TPH1: variants seen among roughly 807,000 people sequenced by gnomAD.
TPH1 encodes tryptophan 5-hydroxylase 1.
Under a neutral mutation model 49.5 loss-of-function variants are expected in TPH1, and 37 were observed. The observed-to-expected ratio is 0.75, with a 90% CI of 0.58 to 0.98. The LOEUF (loss-of-function observed/expected upper bound fraction) is 0.98, where lower values mean the gene tolerates loss of function less well. Ranked by LOEUF, TPH1 falls within the 50% of genes least tolerant of loss-of-function variation. The probability of loss-of-function intolerance (pLI) is 0.00; values close to 1 mark genes in which losing one functional copy is unlikely to be tolerated. For synonymous variants in TPH1, 160 were observed against 182.1 expected (o/e 0.88, Z 0.98); for missense variants, 487 against 523.6 (o/e 0.93, Z 0.68).
At chr11:18,033,810 A>G (rs1848016928) in intron 3 of TPH1, among the ~76,000 whole-genome samples, 1 of 152,184 alleles carries the variant, frequency 6.6e-6, no homozygotes. Flanking sequence ...TGATCTTCTC[A>G]CCATTCCTCA....
Position 18,026,546 on chromosome 11 carries a change from A to T in TPH1, c.747T>A (p.Val249=), listed in dbSNP as rs148739611. ...RDFLSGLAFR[V]FHCTQYVRHS... is the part of the protein sequence containing the mutation. ...GTCTCACATATTGAGTGCAGTGAAAAACTCGAAAGGCTAAACCTGATAAGA... is the reference window on the plus strand; with the variant it reads ...GTCTCACATATTGAGTGCAGTGAAATACTCGAAAGGCTAAACCTGATAAGA... Residue 249 remains valine (V), a synonymous_variant, in exon 7 of 11, where the codon GTT becomes GTA. Transcript: ENST00000682019. The T allele has an allele frequency of 1.9e-6, 3 of 1,613,980 alleles. No individual in the cohort carries two copies. In the African/African-American group the frequency reaches 4.0e-5, roughly 22 times the overall value.
intron 1 of TPH1, among the ~76,000 whole-genome samples, chr11:18,044,760 C>A (rs57411958): frequency 8.3e-5 from 10 of 119,852 alleles, no homozygotes; most frequent in Non-Finnish European, 1.5e-4. Flanking sequence ...GAAAACAAAA[C>A]AAAACAAAAC....
At position 18,036,096 on chromosome 11, in the gene TPH1, CT is replaced by C; in HGVS notation, c.163del (p.Arg55GlufsTer19). ...AAAAATCTCAAATTCTGAGTTTCTT[CT>C]TTTTGATTTTCGGGACTCGATATGT... is the stretch of plus-strand genomic sequence containing the variant. ...LLHIESRKSK[R>X]RNSEFEIFVD... is the part of the protein sequence containing the mutation. On this transcript the variant is annotated frameshift_variant, in exon 3 of 11. Transcript: ENST00000682019. LOFTEE classifies it high-confidence loss of function. The C allele has an allele frequency of 1.2e-6, 2 of 1,613,360 alleles. No individual in the cohort carries two copies. The highest frequency in any genetic ancestry group is 1.7e-6 in the Non-Finnish European group (2 of 1,179,866).
intron 9 of TPH1, 89 bp from the exon 10 acceptor site, chr11:18,023,020 T>C: frequency 1.4e-6 from 2 of 1,394,884 alleles, no homozygotes; most frequent in South Asian, 2.4e-5. Flanking sequence ...TCTAAACATA[T>C]TACTAATGCA....
Position 18,023,962 on chromosome 11 carries a change from A to G in TPH1, c.952T>C (p.Phe318Leu), listed in dbSNP as rs1020818570. ...TGTCCATCTTGTTTACATAGACCAA[A>G]CTCCACAGTGAAAAAGTAGCACTGC... The part of the protein sequence containing the change: ...LATCYFFTVE[F>L]GLCKQDGQLR... The change falls in exon 9 of 11, where the codon TTT (phenylalanine) becomes CTT (leucine). Residue 318 changes from phenylalanine to leucine, a missense_variant. Coordinates refer to ENST00000682019, the MANE Select transcript of TPH1 (RefSeq NM_004179.3). 1.2e-6 allele frequency: 2 copies of G among 1,613,050 alleles called. No individual in the cohort carries two copies. The highest frequency in any genetic ancestry group is 3.3e-5 in the Admixed American group (2 of 59,974).
At chr11:18,035,381 C>CT (rs1349249060) in intron 3 of TPH1, among the ~76,000 whole-genome samples, 1 of 143,070 alleles carries the variant, frequency 7.0e-6, no homozygotes, top group Non-Finnish European at 1.5e-5. Context: ...TTCTTTCTTT[C>CT]TTTTCTTTCT....
intron 8 of TPH1, 105 bp downstream of exon 8, chr11:18,025,470 C>A: frequency 1.3e-6 from 2 of 1,544,926 alleles, no homozygotes; most frequent in Non-Finnish European, 8.9e-7. Context: ...AACCTCCAAG[C>A]AAAGACAAAT....
At chr11:18,045,689 C>T (rs1386960996) in intron 1 of TPH1, among the ~76,000 whole-genome samples, 1 of 152,156 alleles carries the variant, frequency 6.6e-6, no homozygotes, top group East Asian at 1.9e-4. Flanking sequence ...TCAATTGCGA[C>T]CTTGCAAAAA....
At position 18,029,496 on chromosome 11, in the gene TPH1, T is replaced by C. The variant is rs1320582939; in HGVS notation, c.470+16A>G. 6 of 1,594,370 alleles carry C rather than the reference T, an allele frequency of 3.8e-6. No homozygotes were observed. The highest frequency in any genetic ancestry group is 1.1e-5 in the South Asian group (1 of 90,106). On this transcript the variant is annotated intron_variant, in intron 5 of 10. Coordinates refer to ENST00000682019, the MANE Select transcript of TPH1 (RefSeq NM_004179.3). ...TATTATCTCAAAGTTGACTATATTTTTTTAAATATACTTACTGTTTATAGT... is the reference window on the plus strand; with the variant it reads ...TATTATCTCAAAGTTGACTATATTTCTTTAAATATACTTACTGTTTATAGT...
At chr11:18,023,845 T>C (rs1854391901) in intron 9 of TPH1, 43 bp downstream of exon 9, 1 of 1,467,470 alleles carries the variant, frequency 6.8e-7, no homozygotes, top group Non-Finnish European at 9.5e-7. Flanking sequence ...TTATCAATTA[T>C]GTTAGGTGAA....
chr11:18,022,689 G>C, intron 10 of TPH1, 109 bp downstream of exon 10: 1 of 1,169,998 alleles, frequency 8.5e-7, no homozygotes, highest in Non-Finnish European at 1.3e-6. Context: ...CAGACAGAAG[G>C]CTCCTTGTGG....
At position 18,019,771 on chromosome 11, in the gene TPH1, A is replaced by G. The variant is rs765392263; in HGVS notation, c.*1220T>C. ...GAGGAAAGGGGCAAATTAAAGAGAC[A>G]TAAGTTTGTATTTTGGAGTTCAGCT... On this transcript the variant is annotated 3_prime_UTR_variant, in exon 11 of 11. Transcript: ENST00000682019. 16 of 456,694 alleles carry G rather than the reference A, an allele frequency of 3.5e-5. No individual in the cohort carries two copies. Among genetic ancestry groups the G allele is most frequent in the Non-Finnish European group, 4.8e-5 (11 of 227,016 alleles). The allele number at this position is 456,694 out of a possible 1,614,324, so 28.3% of individuals were successfully genotyped here. A position where few individuals can be genotyped will look rare whatever the true frequency, so the allele number is the denominator to read the frequency against.
In TPH1 at chr11:18,033,284, G is replaced by A; in HGVS notation, c.392C>T (p.Ala131Val). 2 of 1,612,228 alleles carry A rather than the reference G, an allele frequency of 1.2e-6. No homozygotes were observed. The highest frequency in any genetic ancestry group is 1.7e-6 in the Non-Finnish European group (2 of 1,178,360). The change falls in exon 4 of 11, where the codon GCA becomes GTA. Residue 131 changes from alanine (A) to valine (V), a missense_variant. Ala to Val is a moderately conservative substitution (Grantham distance 64). Transcript: ENST00000682019. ...RVLMYGSELDADHPGFKDNVY... is the reference protein window; with the variant it reads ...RVLMYGSELDVDHPGFKDNVY... ...AAAGAAAATACTTACAGGATGGTCT[G>A]CATCTAGTTCAGATCCATACATCAG... is the stretch of plus-strand genomic sequence containing the variant.
At chr11:18,022,615 C>A (rs548528321) in intron 10 of TPH1, among the ~76,000 whole-genome samples, 183 bp downstream of exon 10, 12 of 152,158 alleles carry the variant, frequency 7.9e-5, no homozygotes, top group Non-Finnish European at 1.6e-4. Context: ...TTCATATTTG[C>A]AACTATGCAA....
intron 2 of TPH1, among the ~76,000 whole-genome samples, chr11:18,039,218 T>A (rs1225812772): frequency 6.6e-6 from 1 of 152,222 alleles, no homozygotes; most frequent in African/African-American, 2.4e-5. Flanking sequence ...TGTCATATGA[T>A]TATTAACATA....
chr11:18,018,071 AC>A lies in TPH1; in HGVS notation c.*2919del, dbSNP rs1462683506. 6.6e-6 allele frequency: 1 copy of A among 152,096 alleles called. No homozygotes were observed. The highest frequency in any genetic ancestry group is 6.5e-5 in the Admixed American group (1 of 15,274). 9.4% of individuals were successfully genotyped at this position (152,096 alleles called of 1,614,324 possible). A position where few individuals can be genotyped will look rare whatever the true frequency, so the allele number is the denominator to read the frequency against. ...GCGAAACCCCATCTCTACTAAAAAA[AC>A]AAAAATTAGCGGGGCATGGTGAAGC... is the stretch of plus-strand genomic sequence containing the variant. On this transcript the variant is annotated 3_prime_UTR_variant, in exon 11 of 11. Transcript: ENST00000682019.
At chr11:18,042,596 G>A (rs558268796) in intron 1 of TPH1, among the ~76,000 whole-genome samples, 1 of 152,152 alleles carries the variant, frequency 6.6e-6, no homozygotes, top group East Asian at 1.9e-4. Context: ...ATGATTATAA[G>A]GAGGATTAAA....
intron 1 of TPH1, among the ~76,000 whole-genome samples, chr11:18,041,650 T>C (rs1229193798): frequency 6.6e-6 from 1 of 152,228 alleles, no homozygotes; most frequent in Non-Finnish European, 1.5e-5. Context: ...TAGAGATACA[T>C]AATTCAAAAT....
chr11:18,029,277 G>C lies in TPH1; in HGVS notation c.555C>G (p.Tyr185Ter). 6.2e-7 allele frequency: 1 copy of C among 1,614,060 alleles called. No homozygotes were observed. Among genetic ancestry groups the C allele is most frequent in the Non-Finnish European group, 8.5e-7 (1 of 1,179,970 alleles). The change falls in exon 6 of 11, where the codon TAC (tyrosine) becomes TAG (stop). Residue 185 changes from tyrosine (Y) to a stop codon, truncating the protein, a stop_gained. Coordinates refer to ENST00000682019, the MANE Select transcript of TPH1 (RefSeq NM_004179.3). LOFTEE classifies it high-confidence loss of function. ...GATACTCTCTGCAAGCATGGGTTGG[G>C]TAGAGTTTGTTGAGCTCTTGGAATA... is the stretch of plus-strand genomic sequence containing the variant. The part of the protein sequence containing the change: ...GTVFQELNKL[Y>*]PTHACREYLK...
Sources: allele counts gnomAD v4.1 joint callset (sites outside exome capture counted in the v4.1 genomes callset), GRCh38; gene constraint gnomAD v4.1.1; transcripts MANE v1.5; gene names NCBI Gene and HGNC (gene_info 2026-07-23, HGNC 2026-07-21).